IRAG1: variants seen among roughly 807,000 people sequenced by gnomAD.
IRAG1 encodes inositol 1,4,5-triphosphate receptor associated 1, also known as IP3R-associated cGMP kinase substrate.
In IRAG1, 62 loss-of-function variants were observed where a neutral mutation model predicts 106.2. The observed-to-expected ratio is 0.58, with a 90% CI of 0.48 to 0.72. IRAG1 has a LOEUF of 0.72. Ranked by LOEUF, IRAG1 falls within the 30% of genes least tolerant of loss-of-function variation. The pLI is 0.00. For missense variants in IRAG1, 1,064 were observed against 1,140.7 expected (o/e 0.93, Z 0.97); for synonymous variants, 462 against 443.9 (o/e 1.04, Z -0.51).
intron 17 of IRAG1, 47 bp downstream of exon 17, chr11:10,593,445 G>T: frequency 6.5e-7 from 1 of 1,542,012 alleles, no homozygotes; most frequent in Non-Finnish European, 9.0e-7. Flanking sequence ...ACGAAGGAAA[G>T]GTTATTCTAC....
In IRAG1 at chr11:10,576,352, C is replaced by A. The variant is rs565623240; in HGVS notation, c.2719G>T (p.Glu907Ter). The A allele has an allele frequency of 1.2e-6, 2 of 1,613,876 alleles. No individual in the cohort carries two copies. The highest frequency in any genetic ancestry group is 1.7e-5 in the Admixed American group (1 of 60,002). The change falls in exon 21 of 21, where the codon GAG (glutamate) becomes TAG (stop). Residue 907 changes from glutamate (E) to a stop codon, truncating the protein, a stop_gained. Coordinates refer to ENST00000423302, the MANE Select transcript of IRAG1 (RefSeq NM_130385.4). LOFTEE classifies it high-confidence loss of function. ...GTTTCCTACTGCTCTGTAGGCTGCT[C>A]ATGCTGGAGTCCTGAGCTCCACCAG... ...DSWWSSGLQH[E>*]QPTEQ
chr11:10,582,044 C>G (rs1174767741), intron 18 of IRAG1, 58 bp from the exon 19 acceptor site: 1 of 1,553,934 alleles, frequency 6.4e-7, no homozygotes, highest in African/African-American at 1.4e-5. Flanking sequence ...GGCCTAAAAA[C>G]AAAACCATGT....
At chr11:10,644,255 G>T (rs1857766482) in intron 2 of IRAG1, among the ~76,000 whole-genome samples, 1 of 152,160 alleles carries the variant, frequency 6.6e-6, no homozygotes, top group Non-Finnish European at 1.5e-5. Context: ...AACTCTCAGA[G>T]ACTCCATTTC....
Position 10,573,172 on chromosome 11 carries a change from TAAC to T in IRAG1, c.*3157_*3159del, listed in dbSNP as rs1564882313. ...AATGCTAGCACACCTGTGTGAGGCT[TAAC>T]AACATGAGGAACTGATAGCCAGTGA... On this transcript the variant is annotated 3_prime_UTR_variant, in exon 21 of 21. Coordinates refer to ENST00000423302, the MANE Select transcript of IRAG1 (RefSeq NM_130385.4). 1.3e-5 allele frequency: 2 copies of T among 152,218 alleles called. No individual in the cohort carries two copies. The highest frequency in any genetic ancestry group is 2.4e-5 in the African/African-American group (1 of 41,440). 9.4% of individuals were successfully genotyped at this position (152,218 alleles called of 1,614,324 possible). A position where few individuals can be genotyped will look rare whatever the true frequency, so the allele number is the denominator to read the frequency against.
chr11:10,656,102 C>T (rs1858902473), intron 1 of IRAG1, among the ~76,000 whole-genome samples: 1 of 152,234 alleles, frequency 6.6e-6, no homozygotes, highest in Non-Finnish European at 1.5e-5. Context: ...GGCACACGGA[C>T]CTCACATCCA....
In IRAG1 at chr11:10,680,344, G is replaced by GGAAAGAAAGAAA. The variant is rs750310566; in HGVS notation, c.67+13180_67+13191dup. 1.1e-3 allele frequency among the ~76,000 whole-genome samples: 73 copies of GGAAAGAAAGAAA among 67,956 alleles called. 2 individuals carry two copies. Among genetic ancestry groups the GGAAAGAAAGAAA allele is most frequent in the East Asian group, 6.3e-3 (4 of 634 alleles). 44.6% of individuals were successfully genotyped at this position (67,956 alleles called of 152,430 possible). On this transcript the variant is annotated intron_variant, in intron 1 of 20. Coordinates refer to ENST00000423302, the MANE Select transcript of IRAG1 (RefSeq NM_130385.4). The stretch of plus-strand genomic sequence containing the variant: ...AGGGGGGAAGGAAGGAAGGAAGGAA[G>GGAAAGAAAGAAA]GAAAGAAAGAAAGAAAGAAAGAAAG...
At chr11:10,611,444 C>T (rs1564906895) in intron 10 of IRAG1, 2 of 152,078 alleles carry the variant, frequency 1.3e-5, no homozygotes, top group East Asian at 3.9e-4. Flanking sequence ...CATATGAGGT[C>T]TAATAATCAA....
intron 12 of IRAG1, 129 bp downstream of exon 12, chr11:10,606,613 A>G: frequency 1.1e-6 from 1 of 923,570 alleles, no homozygotes; most frequent in African/African-American, 1.7e-5. Context: ...GAATGTTCAC[A>G]TTACCCCACA....
At chr11:10,618,761 TGTGA>T (rs1270070192) in intron 10 of IRAG1, among the ~76,000 whole-genome samples, 2 of 152,110 alleles carry the variant, frequency 1.3e-5, no homozygotes, top group African/African-American at 2.4e-5. Flanking sequence ...GCCAAAATAT[TGTGA>T]GTGAGAGTGA....
At chr11:10,689,774 G>A (rs6484465) in intron 1 of IRAG1, among the ~76,000 whole-genome samples, 102,955 of 152,130 alleles carry the variant, frequency 0.68, 35,595 homozygotes, top group East Asian at 0.87. Flanking sequence ...CTAAAAAATA[G>A]CATATACACT....
rs1186983528 is a variant in IRAG1, at chr11:10,673,100, T to C, written c.67+20436A>G. On this transcript the variant is annotated intron_variant, in intron 1 of 20. Transcript: ENST00000423302. Reference sequence around the variant, plus strand: ...GAGTTTGAGACAAGCCTGGCCAACATGGTAAAATCCCGTCTCTACTAAAAA... The same window carrying C: ...GAGTTTGAGACAAGCCTGGCCAACACGGTAAAATCCCGTCTCTACTAAAAA... Among the ~76,000 whole-genome samples, 2 of 152,164 alleles carry C rather than the reference T, an allele frequency of 1.3e-5. 1 individual carries two copies. Among genetic ancestry groups the C allele is most frequent in the African/African-American group, 4.8e-5 (2 of 41,504 alleles).
intron 1 of IRAG1, among the ~76,000 whole-genome samples, chr11:10,664,854 A>G (rs1469051096): frequency 6.6e-6 from 1 of 152,206 alleles, no homozygotes; most frequent in Non-Finnish European, 1.5e-5. Context: ...TAAGGATGGA[A>G]TCAATGTGAG....
At chr11:10,603,741 G>A (rs1331939688) in intron 13 of IRAG1, among the ~76,000 whole-genome samples, 5 of 152,128 alleles carry the variant, frequency 3.3e-5, no homozygotes, top group Non-Finnish European at 2.9e-5. Context: ...GTGATTAGGT[G>A]AGGAGAGTGG....
intron 8 of IRAG1, 139 bp downstream of exon 8, chr11:10,627,576 GC>G: frequency 1.2e-6 from 1 of 842,324 alleles, no homozygotes; most frequent in South Asian, 1.6e-5. Context: ...AGGGGAATCT[GC>G]TGTTTCCCCA....
At chr11:10,602,432 AG>A (rs1854108645) in intron 14 of IRAG1, among the ~76,000 whole-genome samples, 1 of 152,152 alleles carries the variant, frequency 6.6e-6, no homozygotes, top group Non-Finnish European at 1.5e-5. Context: ...AAGGGGCCCA[AG>A]GTCACACAGC....
At chr11:10,599,082 C>T (rs16927077) in intron 15 of IRAG1, among the ~76,000 whole-genome samples, 24,711 of 152,110 alleles carry the variant, frequency 0.16, 3,524 homozygotes, top group African/African-American at 0.38. Flanking sequence ...CAGAAAAACA[C>T]GTACAGCTAT....
intron 2 of IRAG1, among the ~76,000 whole-genome samples, chr11:10,649,771 G>A (rs565258377): frequency 6.1e-4 from 93 of 152,162 alleles, no homozygotes; most frequent in Non-Finnish European, 1.2e-3. Context: ...CTGCCACAAA[G>A]TTGAGAGTAA....
At chr11:10,602,500 G>A (rs941861028) in intron 14 of IRAG1, among the ~76,000 whole-genome samples, 1 of 152,160 alleles carries the variant, frequency 6.6e-6, no homozygotes, top group African/African-American at 2.4e-5. Flanking sequence ...CTACAACATG[G>A]GGGGCCGGGG....
chr11:10,579,525 T>C (rs1376129831), intron 20 of IRAG1, among the ~76,000 whole-genome samples: 2 of 152,230 alleles, frequency 1.3e-5, no homozygotes, highest in Non-Finnish European at 2.9e-5. Flanking sequence ...GTGGTTTAAC[T>C]ATACTAATAG....
Sources: gnomAD v4.1 joint callset for allele counts (sites outside exome capture counted in the v4.1 genomes callset) on GRCh38, gnomAD v4.1.1 for gene constraint, MANE v1.5 for transcripts, NCBI Gene and HGNC (gene_info 2026-07-23, HGNC 2026-07-21) for gene names.